Variants in SMARCB1 observed in about 807,000 individuals in gnomAD.
SMARCB1 encodes the protein SWI/SNF related BAF chromatin remodeling complex subunit B1.
In SMARCB1, 5 loss-of-function variants were observed where a neutral mutation model predicts 49.0. The ratio of observed to expected loss-of-function variants is 0.10; its 90% confidence interval spans 0.05 to 0.21. The LOEUF (loss-of-function observed/expected upper bound fraction) is 0.21. Ranked by LOEUF, SMARCB1 falls within the 10% of genes least tolerant of loss-of-function variation. The probability of loss-of-function intolerance (pLI) is 1.00; values close to 1 mark genes in which losing one functional copy is unlikely to be tolerated. For missense variants in SMARCB1, 226 were observed against 509.2 expected (o/e 0.44, Z 5.35); for synonymous variants, 201 against 200.1 (o/e 1.00, Z -0.04).
intron 5 of SMARCB1, among the ~76,000 whole-genome samples, chr22:23,808,181 C>A (rs1385918019): frequency 1.4e-5 from 2 of 141,954 alleles, no homozygotes; most frequent in Non-Finnish European, 3.1e-5. Flanking sequence ...AGTGCAGTGG[C>A]GCAATTTCGG....
chr22:23,837,916 TCCCAAGA>T lies in SMARCB1; in HGVS notation c.*3740_*3746del. ...GCCCAAGCCCAGGGCCCCTCTGACT[TCCCAAGA>T]CCCTGGAATTCTTCCCCTCATCTCC... On this transcript the variant is annotated 3_prime_UTR_variant, in exon 9 of 9. Coordinates refer to ENST00000644036, the MANE Select transcript of SMARCB1 (RefSeq NM_003073.5). The T allele has an allele frequency of 6.7e-7, 1 of 1,501,594 alleles. No homozygotes were observed. Among genetic ancestry groups the T allele is most frequent in the Non-Finnish European group, 9.0e-7 (1 of 1,113,950 alleles). The allele number at this position is 1,501,594 out of a possible 1,614,324, so 93.0% of individuals were successfully genotyped here.
chr22:23,837,870 G>A lies in SMARCB1; in HGVS notation c.*3690G>A. Reference sequence around the variant, plus strand: ...GTCCCAGCAGCTGGGCCAGAGTCAAGGTGCTCCGGTGCAGGCCTCAGCCCA... The same window carrying A: ...GTCCCAGCAGCTGGGCCAGAGTCAAAGTGCTCCGGTGCAGGCCTCAGCCCA... On this transcript the variant is annotated 3_prime_UTR_variant, in exon 9 of 9. Transcript: ENST00000644036. 1 of 1,604,738 alleles carries A rather than the reference G, an allele frequency of 6.2e-7. No homozygotes were observed. The highest frequency in any genetic ancestry group is 8.5e-7 in the Non-Finnish European group (1 of 1,174,816).
chr22:23,825,026 C>CA, intron 6 of SMARCB1, 199 bp from the exon 7 acceptor site: 1 of 620,618 alleles, frequency 1.6e-6, no homozygotes, highest in South Asian at 1.9e-5. Flanking sequence ...GGCCCTGAGC[C>CA]AGAGCCCCTC....
rs1365585745 is a variant in SMARCB1 at position 23,825,432 on chromosome 22, GTC to G, written c.986+22_986+23del. 1 of 1,608,446 alleles carries G rather than the reference GTC, an allele frequency of 6.2e-7. No homozygotes were observed. Among genetic ancestry groups the G allele is most frequent in the South Asian group, 1.1e-5 (1 of 90,904 alleles). On this transcript the variant is annotated intron_variant, in intron 7 of 8. Transcript: ENST00000644036. ...CGCCTTCAGGTAGGATCATGCATGA[GTC>G]TCTCCCTCCCTCATCTCCCTGCAAA...
At chr22:23,830,514 T>C (rs58468071) in intron 7 of SMARCB1, among the ~76,000 whole-genome samples, 6,161 of 152,248 alleles carry the variant, frequency 0.04, 360 homozygotes, top group African/African-American at 0.12. Flanking sequence ...TCTTTATATA[T>C]TCTACATAGA....
In SMARCB1 at chr22:23,834,339, C is replaced by G. The variant is rs1022324232; in HGVS notation, c.*159C>G. ...CTTCCAGGTGGCCCTTCCCGGCACA[C>G]ATTCCATTTGTTGAGCCCCAGTCCT... On this transcript the variant is annotated 3_prime_UTR_variant, in exon 9 of 9. Transcript: ENST00000644036. The G allele has an allele frequency of 6.9e-4, 546 of 787,468 alleles. 6 individuals are homozygous for G. Among genetic ancestry groups the G allele is most frequent in the Admixed American group, 1.2e-4 (6 of 49,998 alleles). 48.8% of individuals were successfully genotyped at this position (787,468 alleles called of 1,614,324 possible). A position where few individuals can be genotyped will look rare whatever the true frequency, so the allele number is the denominator to read the frequency against.
intron 1 of SMARCB1, 87 bp from the exon 2 acceptor site, chr22:23,791,669 C>T (rs1601388244): frequency 7.4e-7 from 1 of 1,344,324 alleles, no homozygotes; most frequent in Non-Finnish European, 1.1e-6. Flanking sequence ...GCCTGTTTGT[C>T]TGTTGCTTGA....
chr22:23,815,049 A>G (rs1930105889), intron 5 of SMARCB1: 1 of 152,172 alleles, frequency 6.6e-6, no homozygotes, highest in African/African-American at 2.4e-5. Context: ...AAACATTGAA[A>G]AGCTTTTCCA....
chr22:23,832,208 C>T, intron 7 of SMARCB1, among the ~76,000 whole-genome samples: 1 of 23,468 alleles, frequency 4.3e-5, no homozygotes, highest in African/African-American at 2.0e-4. Context: ...GGTCCCACAA[C>T]CTTGAGCCAC....
chr22:23,791,717 C>G (rs1446323376), intron 1 of SMARCB1, 39 bp from the exon 2 acceptor site: 1 of 1,608,482 alleles, frequency 6.2e-7, no homozygotes, highest in African/African-American at 1.3e-5. Context: ...CCCTGTGGTG[C>G]TGCGACCCTT....
intron 7 of SMARCB1, 60 bp downstream of exon 7, chr22:23,825,475 A>T: frequency 6.8e-7 from 1 of 1,467,982 alleles, no homozygotes. Flanking sequence ...TTTGAGAAAG[A>T]CTTCTCTGTG....
chr22:23,801,421 C>G, intron 4 of SMARCB1: 1 of 611,178 alleles, frequency 1.6e-6, no homozygotes, highest in Non-Finnish European at 3.1e-6. Flanking sequence ...ATCCACGTGA[C>G]TCCCACTGTG....
chr22:23,804,746 G>C lies in SMARCB1; in HGVS notation c.628+1324G>C, dbSNP rs932128350. On this transcript the variant is annotated intron_variant, in intron 5 of 8. Transcript: ENST00000644036. ...TTTAGTAGAGATAGGGTTTCACCAT[G>C]TTAGCCAGGCTGGTCTTGAACTGAC... Among the ~76,000 whole-genome samples, 8 of 152,200 alleles carry C rather than the reference G, an allele frequency of 5.3e-5. No homozygotes were observed. In the East Asian group the frequency reaches 1.3e-3, roughly 26 times the overall value.
At chr22:23,831,708 G>A (rs1292013561) in intron 7 of SMARCB1, among the ~76,000 whole-genome samples, 1 of 152,246 alleles carries the variant, frequency 6.6e-6, no homozygotes, top group Non-Finnish European at 1.5e-5. Context: ...TTGTTTAAGA[G>A]GAAAACATGT....
chr22:23,788,536 C>T (rs774831651), intron 1 of SMARCB1, among the ~76,000 whole-genome samples: 4 of 151,080 alleles, frequency 2.6e-5, no homozygotes, highest in Non-Finnish European at 5.9e-5. Context: ...CTCCCAAGTA[C>T]CTGGGACTAC....
intron 7 of SMARCB1, among the ~76,000 whole-genome samples, chr22:23,829,592 G>C (rs546312823): frequency 6.6e-6 from 1 of 152,326 alleles, no homozygotes; most frequent in South Asian, 2.1e-4. Flanking sequence ...GGCTGGTTGA[G>C]CGTAAGCCTC....
chr22:23,815,780 T>TA (rs1248232577), intron 5 of SMARCB1: 2 of 152,280 alleles, frequency 1.3e-5, no homozygotes, highest in Non-Finnish European at 2.9e-5. Flanking sequence ...TGGATACAGA[T>TA]ACAGTCCTCT....
rs1259347677 is a variant in SMARCB1, at chr22:23,836,425, C to T, written c.*2245C>T. On this transcript the variant is annotated 3_prime_UTR_variant, in exon 9 of 9. Transcript: ENST00000644036. Reference sequence around the variant, plus strand: ...AGACGCCTGTCCTGGCCCCAGCAGCCGAAATCTGGTGAACTTCCCCGCTGA... The same window carrying T: ...AGACGCCTGTCCTGGCCCCAGCAGCTGAAATCTGGTGAACTTCCCCGCTGA... 7 of 988,208 alleles carry T rather than the reference C, an allele frequency of 7.1e-6. No homozygotes were observed. Among genetic ancestry groups the T allele is most frequent in the East Asian group, 1.1e-4 (1 of 8,942 alleles). 61.2% of individuals were successfully genotyped at this position (988,208 alleles called of 1,614,324 possible).
At chr22:23,827,220 C>G (rs926855280) in intron 7 of SMARCB1, among the ~76,000 whole-genome samples, 30 of 152,224 alleles carry the variant, frequency 2.0e-4, no homozygotes, top group African/African-American at 6.5e-4. Flanking sequence ...CATCCAGCCC[C>G]TACGGTGTTG....
Sources: gnomAD v4.1 joint callset for allele counts (sites outside exome capture counted in the v4.1 genomes callset) on GRCh38, gnomAD v4.1.1 for gene constraint, MANE v1.5 for transcripts, NCBI Gene and HGNC (gene_info 2026-07-23, HGNC 2026-07-21) for gene names.